Variants in RAPH1 observed in about 807,000 individuals in gnomAD.
RAPH1 encodes ras-associated and pleckstrin homology domains-containing protein 1.
A neutral mutation model predicts 88.1 loss-of-function variants in RAPH1; 18 were observed. The observed-to-expected ratio is 0.20, with a 90% CI of 0.14 to 0.30. RAPH1 has a LOEUF of 0.30. Ranked by LOEUF, RAPH1 falls within the 10% of genes least tolerant of loss-of-function variation. The pLI is 1.00. For missense variants in RAPH1, 1,448 were observed against 1,543.2 expected, an observed-to-expected ratio of 0.94 and a Z score of 1.03; for synonymous variants, 587 against 559.0, an observed-to-expected ratio of 1.05 and a Z score of -0.71.
intron 4 of RAPH1, among the ~76,000 whole-genome samples, chr2:203,482,465 C>T (rs559400551): frequency 6.6e-6 from 1 of 152,180 alleles, no homozygotes. Context: ...GGATTACAGG[C>T]GTGAGTCACT....
intron 1 of RAPH1, among the ~76,000 whole-genome samples, chr2:203,520,075 C>G (rs1413364580): frequency 6.6e-6 from 1 of 152,104 alleles, no homozygotes; most frequent in African/African-American, 2.4e-5. Context: ...CACCTGTAAT[C>G]CTAGCACTTT....
intron 4 of RAPH1, among the ~76,000 whole-genome samples, chr2:203,465,321 G>T (rs577412115): frequency 1.7e-3 from 261 of 152,236 alleles, no homozygotes; most frequent in Non-Finnish European, 3.1e-3. Context: ...AATGAAATGA[G>T]CTCTCAAGCC....
chr2:203,458,695 A>G lies in RAPH1; in HGVS notation c.1093-1100T>C, dbSNP rs183632353. Among the ~76,000 whole-genome samples the G allele has an allele frequency of 1.3e-4, 20 of 152,154 alleles. No homozygotes were observed. In the East Asian group the frequency reaches 2.5e-3, roughly 19 times the overall value. ...GGAATTATTTTTCTGAATATTTTAG[A>G]TCTGCAGTTGTGCAAATCCACAGAT... On this transcript the variant is annotated intron_variant, in intron 7 of 13. Coordinates refer to ENST00000319170, the MANE Select transcript of RAPH1 (RefSeq NM_213589.3).
chr2:203,526,174 G>C (rs1041230195), intron 1 of RAPH1, among the ~76,000 whole-genome samples: 1 of 151,980 alleles, frequency 6.6e-6, no homozygotes, highest in Non-Finnish European at 1.5e-5. Context: ...CTATAATTTC[G>C]ACTGTATTGA....
At chr2:203,510,150 A>G (rs973030431) in intron 1 of RAPH1, among the ~76,000 whole-genome samples, 6 of 152,068 alleles carry the variant, frequency 3.9e-5, no homozygotes, top group African/African-American at 1.4e-4. Context: ...TAAAATTCCT[A>G]GGAAAGACAT....
At chr2:203,525,126 T>C (rs965798342) in intron 1 of RAPH1, among the ~76,000 whole-genome samples, 6 of 152,218 alleles carry the variant, frequency 3.9e-5, no homozygotes, top group African/African-American at 7.2e-5. Flanking sequence ...AGTCCCAAAC[T>C]AGAAGCAGCC....
intron 1 of RAPH1, among the ~76,000 whole-genome samples, chr2:203,512,040 G>A (rs945674132): frequency 6.6e-6 from 1 of 151,894 alleles, no homozygotes; most frequent in African/African-American, 2.4e-5. Flanking sequence ...TTGAACTCAG[G>A]AGGCAGAGGT....
intron 4 of RAPH1, among the ~76,000 whole-genome samples, chr2:203,489,381 G>T (rs1044437094): frequency 2.6e-5 from 4 of 152,004 alleles, no homozygotes; most frequent in African/African-American, 4.8e-5. Context: ...GAATAAAAAA[G>T]AAACTAAATT....
At chr2:203,491,557 G>C (rs1688268696) in intron 2 of RAPH1, among the ~76,000 whole-genome samples, 1 of 152,012 alleles carries the variant, frequency 6.6e-6, no homozygotes, top group South Asian at 2.1e-4. Context: ...GTCTCGTCCT[G>C]TCACCCAGGC....
At chr2:203,521,358 A>G (rs1689859809) in intron 1 of RAPH1, among the ~76,000 whole-genome samples, 1 of 152,132 alleles carries the variant, frequency 6.6e-6, no homozygotes, top group Non-Finnish European at 1.5e-5. Flanking sequence ...CCAGCCAAAA[A>G]TGCAGATTTT....
intron 1 of RAPH1, among the ~76,000 whole-genome samples, chr2:203,528,302 T>TA (rs1443540825): frequency 6.6e-6 from 1 of 152,162 alleles, no homozygotes; most frequent in Non-Finnish European, 1.5e-5. Flanking sequence ...CTACACACTC[T>TA]AAGAACAGAG....
rs1553630400 is a variant in RAPH1, at chr2:203,506,770, C to CTAGA, written c.1-11418_1-11417insTCTA. ...TATATATATATATCTATATATATAT[C>CTAGA]TATATATATCTAGATATATATATCT... On this transcript the variant is annotated intron_variant, in intron 1 of 13. Coordinates refer to ENST00000319170, the MANE Select transcript of RAPH1 (RefSeq NM_213589.3). 2.7e-3 allele frequency among the ~76,000 whole-genome samples: 269 copies of CTAGA among 98,900 alleles called. 1 individual carries two copies. Among genetic ancestry groups the CTAGA allele is most frequent in the Admixed American group, 4.4e-3 (41 of 9,388 alleles). The allele number at this position is 98,900 out of a possible 152,430, so 64.9% of individuals were successfully genotyped here. A position where few individuals can be genotyped will look rare whatever the true frequency, so the allele number is the denominator to read the frequency against.
intron 1 of RAPH1, among the ~76,000 whole-genome samples, chr2:203,509,069 T>A (rs1318067853): frequency 8.5e-6 from 1 of 118,020 alleles, no homozygotes; most frequent in African/African-American, 4.4e-5. Flanking sequence ...AAAAATAATT[T>A]TTTTTTTTTT....
chr2:203,447,208 G>T, intron 12 of RAPH1: 1 of 142,962 alleles, frequency 7.0e-6, no homozygotes, highest in African/African-American at 2.6e-5. Flanking sequence ...TTGAAGAATG[G>T]TATTAGAAAC....
chr2:203,477,843 T>C (rs1370864920), intron 4 of RAPH1, among the ~76,000 whole-genome samples: 1 of 152,142 alleles, frequency 6.6e-6, no homozygotes, highest in African/African-American at 2.4e-5. Context: ...TCAGTTCTTC[T>C]GGGTACCCTC....
chr2:203,534,311 GTAACACT>G (rs1373977674), intron 1 of RAPH1, among the ~76,000 whole-genome samples: 3 of 152,172 alleles, frequency 2.0e-5, no homozygotes, highest in Non-Finnish European at 4.4e-5. Flanking sequence ...CAAGACACAT[GTAACACT>G]TACACCCTCC....
In RAPH1 at chr2:203,434,222, C is replaced by G. The variant is rs1316645186; in HGVS notation, c.*5215G>C. 1 of 152,526 alleles carries G rather than the reference C, an allele frequency of 6.6e-6. No homozygotes were observed. The highest frequency in any genetic ancestry group is 1.5e-5 in the Non-Finnish European group (1 of 68,032). 9.4% of individuals were successfully genotyped at this position (152,526 alleles called of 1,614,324 possible). On this transcript the variant is annotated 3_prime_UTR_variant, in exon 14 of 14. Transcript: ENST00000319170. Reference sequence around the variant, plus strand: ...ATAATCCTTTGAATAATAATGTCCTCTACCTGGTACATTATAATGAAGTTC... The same window carrying G: ...ATAATCCTTTGAATAATAATGTCCTGTACCTGGTACATTATAATGAAGTTC...
In RAPH1 at chr2:203,433,686, A is replaced by C. The variant is rs1004925016; in HGVS notation, c.*5751T>G. 8.5e-5 allele frequency: 13 copies of C among 152,162 alleles called. No individual in the cohort carries two copies. The highest frequency in any genetic ancestry group is 6.5e-4 in the Admixed American group (10 of 15,282). 9.4% of individuals were successfully genotyped at this position (152,162 alleles called of 1,614,324 possible). On this transcript the variant is annotated 3_prime_UTR_variant, in exon 14 of 14. Coordinates refer to ENST00000319170, the MANE Select transcript of RAPH1 (RefSeq NM_213589.3). Reference sequence around the variant, plus strand: ...CTACTCTTAAAAGTTAACAAATTGAACATATCAAACTAGTTTATTTACCAC... The same window carrying C: ...CTACTCTTAAAAGTTAACAAATTGACCATATCAAACTAGTTTATTTACCAC...
chr2:203,486,017 T>C (rs945167975), intron 4 of RAPH1, among the ~76,000 whole-genome samples: 1 of 144,098 alleles, frequency 6.9e-6, no homozygotes, highest in African/African-American at 2.6e-5. Context: ...GCAGCCAGCA[T>C]AGAAGACTGG....
Sources: allele counts gnomAD v4.1 joint callset (sites outside exome capture counted in the v4.1 genomes callset), GRCh38; gene constraint gnomAD v4.1.1; transcripts MANE v1.5; gene names NCBI Gene and HGNC (gene_info 2026-07-23, HGNC 2026-07-21).